Variants in TMTC3 observed in about 807,000 individuals in gnomAD.
TMTC3 encodes transmembrane O-mannosyltransferase targeting cadherins 3, also known as protein O-mannosyl-transferase TMTC3.
A neutral mutation model predicts 92.2 loss-of-function variants in TMTC3; 52 were observed. The observed-to-expected ratio is 0.56, with a 90% CI of 0.45 to 0.71. The LOEUF (loss-of-function observed/expected upper bound fraction) is 0.71. TMTC3 is among the 30% of genes least tolerant of loss of function. The pLI is 0.00. For missense variants in TMTC3, 896 were observed against 1,057.1 expected, an observed-to-expected ratio of 0.85 and a Z score of 2.11; for synonymous variants, 339 against 363.3, an observed-to-expected ratio of 0.93 and a Z score of 0.76.
intron 10 of TMTC3, among the ~76,000 whole-genome samples, chr12:88,177,686 A>G (rs2138416570): frequency 1.3e-5 from 2 of 152,262 alleles, no homozygotes; most frequent in East Asian, 3.9e-4. Context: ...CCATCCACCA[A>G]ATGCCATCAT....
intron 11 of TMTC3, 139 bp from the exon 12 acceptor site, chr12:88,190,311 CAGG>C (rs979202898): frequency 4.8e-6 from 3 of 621,044 alleles, no homozygotes; most frequent in African/African-American, 3.7e-5. Flanking sequence ...TTAGTCAAAA[CAGG>C]AGTAGAACCC....
intron 4 of TMTC3, among the ~76,000 whole-genome samples, chr12:88,159,687 C>G (rs2041053515): frequency 2.0e-5 from 3 of 151,734 alleles, no homozygotes; most frequent in Non-Finnish European, 4.4e-5. Context: ...AGTATAGTAC[C>G]CTACTTTTCC....
At chr12:88,153,897 A>G (rs2040974705) in intron 3 of TMTC3, among the ~76,000 whole-genome samples, 1 of 151,972 alleles carries the variant, frequency 6.6e-6, no homozygotes, top group Admixed American at 6.6e-5. Context: ...TTTTGAATTT[A>G]TGGTGCCTTT....
chr12:88,174,801 C>T, intron 9 of TMTC3, 74 bp downstream of exon 9: 1 of 1,572,022 alleles, frequency 6.4e-7, no homozygotes, highest in East Asian at 2.3e-5. Flanking sequence ...GCTGTTTTAA[C>T]TTTGTTTTTA....
intron 4 of TMTC3, among the ~76,000 whole-genome samples, chr12:88,155,280 T>G (rs1446662893): frequency 6.6e-6 from 1 of 152,240 alleles, no homozygotes. Flanking sequence ...CTCTCTGTGC[T>G]TAACATTTCT....
At position 88,195,004 on chromosome 12, in the gene TMTC3, C is replaced by T; in HGVS notation, c.2100C>T (p.Asp700=). ...WMKKAIKLQA[D]FRSALFNLAL... is the part of the protein sequence containing the mutation. ...AGAAAGCCATAAAGTTACAAGCCGA[C>T]TTCCGAAGTGCTTTGTTTAATCTGG... Residue 700 remains aspartate, a synonymous_variant, in exon 14 of 14, where the codon GAC becomes GAT. Coordinates refer to ENST00000266712, the MANE Select transcript of TMTC3 (RefSeq NM_181783.4). The T allele has an allele frequency of 1.9e-6, 3 of 1,613,832 alleles. 1 individual carries two copies. Among genetic ancestry groups the T allele is most frequent in the South Asian group, 2.2e-5 (2 of 91,060 alleles).
intron 4 of TMTC3, among the ~76,000 whole-genome samples, chr12:88,158,547 G>A (rs903854546): frequency 6.6e-5 from 10 of 151,402 alleles, no homozygotes; most frequent in Admixed American, 3.3e-4. Context: ...AGTTTCATGG[G>A]TTTGGTTTTT....
At position 88,195,946 on chromosome 12, in the gene TMTC3, C is replaced by A; in HGVS notation, c.*297C>A. 4.8e-6 allele frequency: 1 copy of A among 206,642 alleles called. No individual in the cohort carries two copies. Among genetic ancestry groups the A allele is most frequent in the Non-Finnish European group, 9.7e-6 (1 of 103,402 alleles). 12.8% of individuals were successfully genotyped at this position (206,642 alleles called of 1,614,324 possible). A position where few individuals can be genotyped will look rare whatever the true frequency, so the allele number is the denominator to read the frequency against. ...CTGGCAATGTAATCTTTACTGCTCT[C>A]AATTAAAAATAATTTTGAGGCCTGA... On this transcript the variant is annotated 3_prime_UTR_variant, in exon 14 of 14. Transcript: ENST00000266712.
At position 88,153,301 on chromosome 12, in the gene TMTC3, A is replaced by C. The variant is rs537698189; in HGVS notation, c.200A>C (p.His67Pro). The change falls in exon 3 of 14, where the codon CAC becomes CCC. Residue 67 changes from histidine (H) to proline (P), a missense_variant. Coordinates refer to ENST00000266712, the MANE Select transcript of TMTC3 (RefSeq NM_181783.4). The part of the protein sequence containing the change: ...WGTPMSEERS[H>P]KSYRPLTVLT... The stretch of plus-strand genomic sequence containing the variant: ...GTTTTTTCCTTGTAGGAGAGAAGCC[A>C]CAAGTCTTACCGTCCCTTAACAGTA... 1 of 1,610,124 alleles carries C rather than the reference A, an allele frequency of 6.2e-7. No homozygotes were observed. Among genetic ancestry groups the C allele is most frequent in the African/African-American group, 1.3e-5 (1 of 74,902 alleles).
chr12:88,190,384 T>A, intron 11 of TMTC3, 69 bp from the exon 12 acceptor site: 1 of 1,400,594 alleles, frequency 7.1e-7, no homozygotes, highest in Non-Finnish European at 1.0e-6. Flanking sequence ...AATTAGCCAA[T>A]AGGAATATGT....
chr12:88,194,766 T>A (rs1465100744), intron 13 of TMTC3, 72 bp from the exon 14 acceptor site: 1 of 1,021,268 alleles, frequency 9.8e-7, no homozygotes, highest in East Asian at 2.9e-5. Context: ...TCTAAGTATT[T>A]GAAAATGGCT....
intron 7 of TMTC3, among the ~76,000 whole-genome samples, chr12:88,166,805 C>A (rs1359146213): frequency 1.3e-5 from 2 of 152,062 alleles, no homozygotes; most frequent in East Asian, 1.9e-4. Context: ...CTTTATCCAA[C>A]TAGATTATAC....
intron 6 of TMTC3, among the ~76,000 whole-genome samples, chr12:88,163,665 G>A (rs1304983945): frequency 2.6e-5 from 2 of 77,910 alleles, no homozygotes; most frequent in Non-Finnish European, 7.6e-5. Context: ...AATCTACTTT[G>A]TCTTCACATT....
Position 88,196,514 on chromosome 12 carries a change from T to A in TMTC3, c.*865T>A. The stretch of plus-strand genomic sequence containing the variant: ...TATAACGTAGTAAACTTCTCTTTCA[T>A]CTTTGTGTTAGCTCTGTAGTCTTAA... On this transcript the variant is annotated 3_prime_UTR_variant, in exon 14 of 14. Coordinates refer to ENST00000266712, the MANE Select transcript of TMTC3 (RefSeq NM_181783.4). 1 of 152,032 alleles carries A rather than the reference T, an allele frequency of 6.6e-6. No individual in the cohort carries two copies. Among genetic ancestry groups the A allele is most frequent in the African/African-American group, 2.4e-5 (1 of 41,428 alleles). The allele number at this position is 152,032 out of a possible 1,614,324, so 9.4% of individuals were successfully genotyped here. A position where few individuals can be genotyped will look rare whatever the true frequency, so the allele number is the denominator to read the frequency against.
In TMTC3 at chr12:88,195,953, A is replaced by G. The variant is rs1237412988; in HGVS notation, c.*304A>G. On this transcript the variant is annotated 3_prime_UTR_variant, in exon 14 of 14. Transcript: ENST00000266712. ...TGTAATCTTTACTGCTCTCAATTAA[A>G]AATAATTTTGAGGCCTGAATGATAA... 3 of 198,800 alleles carry G rather than the reference A, an allele frequency of 1.5e-5. No homozygotes were observed. The highest frequency in any genetic ancestry group is 3.1e-4 in the South Asian group (2 of 6,534). The allele number at this position is 198,800 out of a possible 1,614,324, so 12.3% of individuals were successfully genotyped here.
At chr12:88,179,691 T>C (rs1592743451) in intron 10 of TMTC3, among the ~76,000 whole-genome samples, 1 of 150,838 alleles carries the variant, frequency 6.6e-6, no homozygotes, top group Non-Finnish European at 1.5e-5. Context: ...AATGAGAGAG[T>C]GCAGCAGCCA....
Position 88,190,438 on chromosome 12 carries a change from T to G in TMTC3, c.1537-15T>G. ...TGAAATATCAAATCATGAAAATGCC[T>G]TTTCTTCTAAACAGATTATTCCTGG... On this transcript the variant is annotated splice_polypyrimidine_tract_variant and intron_variant, in intron 11 of 13. Transcript: ENST00000266712. 1.2e-6 allele frequency: 2 copies of G among 1,606,678 alleles called. No individual in the cohort carries two copies. The highest frequency in any genetic ancestry group is 2.2e-5 in the East Asian group (1 of 44,654).
At chr12:88,145,105 TG>T (rs1483201284) in intron 1 of TMTC3, among the ~76,000 whole-genome samples, 1 of 152,208 alleles carries the variant, frequency 6.6e-6, no homozygotes, top group Non-Finnish European at 1.5e-5. Flanking sequence ...TTATATTCCT[TG>T]GATGTTACTT....
At chr12:88,191,573 A>G (rs1290966427) in intron 12 of TMTC3, among the ~76,000 whole-genome samples, 1 of 152,234 alleles carries the variant, frequency 6.6e-6, no homozygotes, top group African/African-American at 2.4e-5. Context: ...TTTCTAACAG[A>G]AAATAGAACC....
Sources: allele counts gnomAD v4.1 joint callset (sites outside exome capture counted in the v4.1 genomes callset), GRCh38; gene constraint gnomAD v4.1.1; transcripts MANE v1.5; gene names NCBI Gene and HGNC (gene_info 2026-07-23, HGNC 2026-07-21).